MTMR8: variants seen among roughly 807,000 people sequenced by gnomAD.
The protein encoded by MTMR8 is phosphatidylinositol-3,5-bisphosphate 3-phosphatase MTMR8.
MTMR8 carries 65 observed loss-of-function variants against 39.3 expected under a neutral mutation model. That is an observed-to-expected ratio of 1.65 (90% confidence interval 1.35 to 2.03). The LOEUF is 2.03. MTMR8 is among the 30% of genes most tolerant of loss of function. MTMR8 has a pLI of 0.00. For missense variants in MTMR8, 777 were observed against 538.9 expected (o/e 1.44, Z -4.37); for synonymous variants, 245 against 185.2 (o/e 1.32, Z -2.62).
intron 12 of MTMR8, among the ~76,000 whole-genome samples, chrX:64,290,608 C>T (rs954632861): frequency 1.8e-5 from 2 of 110,722 alleles, no homozygotes; most frequent in Non-Finnish European, 3.8e-5. Context: ...CCCACCTCCC[C>T]CTCATACCCA....
chrX:64,348,744 A>T lies in MTMR8; in HGVS notation c.648T>A (p.Cys216Ter). ...SQPLSGFYTRCVDDELLLEAI... is the reference protein window; with the variant it reads ...SQPLSGFYTR Reference sequence around the variant, plus strand: ...CCTCCAACAAGAGCTCATCATCTACACAGCGAGTGTAAAATCCAGAGAGAG... The same window carrying T: ...CCTCCAACAAGAGCTCATCATCTACTCAGCGAGTGTAAAATCCAGAGAGAG... The change falls in exon 6 of 14, where the codon TGT (cysteine) becomes TGA (stop). Residue 216 changes from cysteine to a stop codon, truncating the protein, a stop_gained. Transcript: ENST00000374852. LOFTEE classifies it high-confidence loss of function. 8.3e-7 allele frequency: 1 copy of T among 1,211,053 alleles called. No individual in the cohort carries two copies. The highest frequency in any genetic ancestry group is 1.1e-6 in the Non-Finnish European group (1 of 894,951).
chrX:64,336,146 G>A lies in MTMR8; in HGVS notation c.1102-18C>T, dbSNP rs773889121. The A allele has an allele frequency of 3.3e-4, 380 of 1,139,299 alleles. No homozygotes were observed. The highest frequency in any genetic ancestry group is 4.4e-4 in the Non-Finnish European group (370 of 843,263). The allele number at this position is 1,139,299 out of a possible 1,213,427, so 93.9% of individuals were successfully genotyped here. A position where few individuals can be genotyped will look rare whatever the true frequency, so the allele number is the denominator to read the frequency against. ...ATCAAGATCTTCATTTTATAGAAAA[G>A]AAAGTGTTTGCATTAGGAAAATCAT... On this transcript the variant is annotated intron_variant, in intron 9 of 13. Transcript: ENST00000374852.
intron 8 of MTMR8, 135 bp downstream of exon 8, chrX:64,343,476 C>G: frequency 2.3e-6 from 1 of 426,836 alleles, no homozygotes; most frequent in Non-Finnish European, 4.0e-6. Flanking sequence ...TGCCCAAGGG[C>G]ACACAGTGAA....
At chrX:64,330,548 T>A (rs1922913119) in intron 11 of MTMR8, among the ~76,000 whole-genome samples, 1 of 111,922 alleles carries the variant, frequency 8.9e-6, no homozygotes, top group Non-Finnish European at 1.9e-5. Context: ...TATTTCTTTT[T>A]CTCTGTCTCT....
At chrX:64,287,999 C>A (rs371183570) in intron 12 of MTMR8, among the ~76,000 whole-genome samples, 3 of 8,284 alleles carry the variant, frequency 3.6e-4, no homozygotes, top group Non-Finnish European at 7.1e-4. Flanking sequence ...TGCTACACAG[C>A]AAAAAAAAAA....
intron 4 of MTMR8, among the ~76,000 whole-genome samples, chrX:64,350,285 AG>A (rs1261183040): frequency 9.1e-6 from 1 of 109,822 alleles, no homozygotes; most frequent in Non-Finnish European, 1.9e-5. Context: ...CTAGGAACCT[AG>A]TATGTAGTTT....
intron 10 of MTMR8, among the ~76,000 whole-genome samples, chrX:64,335,688 C>G (rs1602136645): frequency 9.0e-6 from 1 of 111,592 alleles, no homozygotes; most frequent in South Asian, 3.8e-4. Flanking sequence ...TCTGAATGAC[C>G]TCATCATTCC....
At position 64,368,121 on chromosome X, in the gene MTMR8, G is replaced by T. The variant is rs1214132498; in HGVS notation, c.25-8594C>A. Among the ~76,000 whole-genome samples, 4 of 111,669 alleles carry T rather than the reference G, an allele frequency of 3.6e-5. No homozygotes were observed. In the East Asian group the frequency reaches 1.1e-3, roughly 31 times the overall value. ...AAAATAAAAGAGGACACAAACAAAT[G>T]GAAGAACATTCCATGCTCATGGGTA... is the stretch of plus-strand genomic sequence containing the variant. On this transcript the variant is annotated intron_variant, in intron 1 of 13. Coordinates refer to ENST00000374852, the MANE Select transcript of MTMR8 (RefSeq NM_017677.4).
intron 12 of MTMR8, among the ~76,000 whole-genome samples, chrX:64,291,753 T>A (rs899104517): frequency 8.9e-6 from 1 of 111,790 alleles, no homozygotes; most frequent in South Asian, 3.8e-4. Flanking sequence ...CACGTTCGCA[T>A]AACTTTGGCA....
chrX:64,351,028 G>T (rs1490530127), intron 4 of MTMR8, among the ~76,000 whole-genome samples: 3 of 111,683 alleles, frequency 2.7e-5, no homozygotes, highest in Non-Finnish European at 5.6e-5. Flanking sequence ...TCCCCAGAAT[G>T]CAGACCATTT....
chrX:64,291,206 C>T (rs1415254203), intron 12 of MTMR8, among the ~76,000 whole-genome samples: 2 of 111,242 alleles, frequency 1.8e-5, no homozygotes, highest in Admixed American at 1.9e-4. Flanking sequence ...TTTTACACAT[C>T]CAATTGTTTT....
chrX:64,270,409 A>T, intron 13 of MTMR8, among the ~76,000 whole-genome samples: 1 of 112,128 alleles, frequency 8.9e-6, no homozygotes, highest in African/African-American at 3.2e-5. Flanking sequence ...ACCCTTAGGG[A>T]TTCCTACATT....
intron 12 of MTMR8, among the ~76,000 whole-genome samples, chrX:64,286,309 A>C (rs1481294453): frequency 2.7e-5 from 3 of 111,962 alleles, no homozygotes; most frequent in Non-Finnish European, 5.6e-5. Context: ...TCTGAAATTG[A>C]GGCAATAATT....
intron 12 of MTMR8, among the ~76,000 whole-genome samples, chrX:64,312,298 T>C (rs1922333879): frequency 8.9e-6 from 1 of 111,972 alleles, no homozygotes; most frequent in African/African-American, 3.2e-5. Flanking sequence ...GATTTGGCTC[T>C]CTGTTTGTTT....
chrX:64,383,332 AT>A (rs1225315153), intron 1 of MTMR8, among the ~76,000 whole-genome samples: 2 of 109,980 alleles, frequency 1.8e-5, no homozygotes, highest in African/African-American at 6.6e-5. Context: ...CTACAGATAT[AT>A]TTTAACAAAA....
rs1465122419 is a variant in MTMR8, at chrX:64,301,456, G to C, written c.1481+27316C>G. On this transcript the variant is annotated intron_variant, in intron 12 of 13. Transcript: ENST00000374852. ...CTCCTTTAAGCACTTCTCTGTATTG[G>C]TTATTCTAGTTATACATTCTTCTAA... Among the ~76,000 whole-genome samples the C allele has an allele frequency of 2.9e-5, 3 of 104,828 alleles. No individual in the cohort carries two copies. The East Asian group carries it at 9.2e-4, about 32-fold the overall frequency. The allele number at this position is 104,828 out of a possible 115,157, so 91.0% of individuals were successfully genotyped here.
At chrX:64,365,750 A>T (rs948562667) in intron 1 of MTMR8, among the ~76,000 whole-genome samples, 6 of 111,839 alleles carry the variant, frequency 5.4e-5, no homozygotes, top group African/African-American at 9.8e-5. Context: ...GATCAAATTC[A>T]CACATAACAA....
Position 64,268,727 on chromosome X carries a change from G to T in MTMR8, c.1925C>A (p.Thr642Asn). ...TTTGGAGAAGCCCGTAGCCTCAAAG[G>T]TGCACATGTCTCCAGAGATGCCCAT... is the stretch of plus-strand genomic sequence containing the variant. ...EAMGISGDMC[T>N]FEATGFSKDL... The change falls in exon 14 of 14, where the codon ACC (threonine) becomes AAC (asparagine). Residue 642 changes from threonine to asparagine, a missense_variant. Thr to Asn is a moderately conservative substitution (Grantham distance 65). Transcript: ENST00000374852. 8.3e-7 allele frequency: 1 copy of T among 1,211,518 alleles called. No individual in the cohort carries two copies. Among genetic ancestry groups the T allele is most frequent in the Non-Finnish European group, 1.1e-6 (1 of 895,451 alleles).
intron 4 of MTMR8, among the ~76,000 whole-genome samples, chrX:64,351,164 G>A (rs1292822996): frequency 1.8e-5 from 2 of 110,843 alleles, no homozygotes; most frequent in African/African-American, 3.3e-5. Flanking sequence ...ACCAACAAGA[G>A]TATTTCAGAC....
Sources: allele counts gnomAD v4.1 joint callset (sites outside exome capture counted in the v4.1 genomes callset), GRCh38; gene constraint gnomAD v4.1.1; transcripts MANE v1.5; gene names NCBI Gene and HGNC (gene_info 2026-07-23, HGNC 2026-07-21).